Variants in C14orf39 observed in about 807,000 individuals in gnomAD.
C14orf39 encodes the protein chromosome 14 open reading frame 39.
Under a neutral mutation model 85.6 loss-of-function variants are expected in C14orf39, and 66 were observed. The ratio of observed to expected loss-of-function variants is 0.77; its 90% CI spans 0.63 to 0.95. The LOEUF (loss-of-function observed/expected upper bound fraction) is 0.95, where lower values mean the gene tolerates loss of function less well. Among genes scored for constraint, C14orf39 ranks in the 40% least tolerant of loss-of-function variants. The pLI, the probability that C14orf39 is intolerant of heterozygous loss-of-function variation, is 0.00. For synonymous variants in C14orf39, 242 were observed against 214.0 expected (o/e 1.13, Z -1.14); for missense variants, 735 against 663.9 (o/e 1.11, Z -1.18).
intron 1 of C14orf39, among the ~76,000 whole-genome samples, chr14:60,505,965 T>C (rs527557789): frequency 2.0e-5 from 3 of 152,316 alleles, no homozygotes; most frequent in African/African-American, 7.2e-5. Flanking sequence ...ATTTCCGGCA[T>C]GAGCCTCAGA....
At position 60,461,571 on chromosome 14, in the gene C14orf39, T is replaced by C; in HGVS notation, c.995A>G (p.Asp332Gly). The part of the protein sequence containing the change: ...DTQIFNDSAV[D>G]NHSKCSHITT... ...AATATGTGAACATTTTGAATGGTTA[T>C]CCACAGCAGAGTCATTAAATATCTG... Residue 332 changes from aspartate (D) to glycine (G), a missense_variant, in exon 12 of 18, where the codon GAT (aspartate) becomes GGT (glycine). Coordinates refer to ENST00000321731, the MANE Select transcript of C14orf39 (RefSeq NM_174978.3). The C allele has an allele frequency of 6.3e-7, 1 of 1,575,996 alleles. No individual in the cohort carries two copies. The highest frequency in any genetic ancestry group is 8.6e-7 in the Non-Finnish European group (1 of 1,165,162).
rs536183475 is a variant in C14orf39, at chr14:60,439,899, C to T, written c.1561+2175G>A. Reference sequence around the variant, plus strand: ...GACCAGCCTGGCCAACATAGTGAGACCCCGTCTCTACTAAAAATACAAAAA... The same window carrying T: ...GACCAGCCTGGCCAACATAGTGAGATCCCGTCTCTACTAAAAATACAAAAA... On this transcript the variant is annotated intron_variant, in intron 17 of 17. Coordinates refer to ENST00000321731, the MANE Select transcript of C14orf39 (RefSeq NM_174978.3). Among the ~76,000 whole-genome samples, 9 of 152,210 alleles carry T rather than the reference C, an allele frequency of 5.9e-5. No individual in the cohort carries two copies. In the East Asian group the frequency reaches 1.4e-3, roughly 23 times the overall value.
chr14:60,483,613 A>G, intron 4 of C14orf39, 78 bp downstream of exon 4: 1 of 1,266,006 alleles, frequency 7.9e-7, no homozygotes. Context: ...TACTACTTTG[A>G]AGGAAGTATC....
At chr14:60,474,884 A>C (rs1892293877) in intron 5 of C14orf39, among the ~76,000 whole-genome samples, 3 of 152,302 alleles carry the variant, frequency 2.0e-5, no homozygotes, top group Non-Finnish European at 2.9e-5. Context: ...TGTCTTCACC[A>C]GGCTTTGGTA....
chr14:60,451,482 T>A lies in C14orf39; in HGVS notation c.1503+3519A>T, dbSNP rs187396343. Among the ~76,000 whole-genome samples, 306 of 152,174 alleles carry A rather than the reference T, an allele frequency of 2.0e-3. 1 individual carries two copies. The highest frequency in any genetic ancestry group is 7.0e-3 in the African/African-American group (291 of 41,534). On this transcript the variant is annotated intron_variant, in intron 16 of 17. Coordinates refer to ENST00000321731, the MANE Select transcript of C14orf39 (RefSeq NM_174978.3). ...GACTGAATTAAGAAAATGTGGCACA[T>A]ATACATCATGGAATACTATGCAGCC...
chr14:60,480,116 G>A (rs893963084), intron 4 of C14orf39, among the ~76,000 whole-genome samples: 2 of 152,076 alleles, frequency 1.3e-5, no homozygotes, highest in South Asian at 2.1e-4. Flanking sequence ...CTGTTAGAAT[G>A]GCTGTTATCA....
chr14:60,461,615 T>C (rs999945050), intron 11 of C14orf39, 22 bp from the exon 12 acceptor site: 1 of 1,483,032 alleles, frequency 6.7e-7, no homozygotes, highest in Non-Finnish European at 9.1e-7. Flanking sequence ...AAATTAAGCA[T>C]CTGACTTGGC....
rs7145973 is a variant in C14orf39, at chr14:60,505,159, A to G, written c.-143-5729T>C. The stretch of plus-strand genomic sequence containing the variant: ...GCTCAAATGGTGTTTGTTCTCAGAA[A>G]TATACAATTAAAGAGCCTTCTCTGT... On this transcript the variant is annotated intron_variant, in intron 1 of 5. Coordinates refer to the C14orf39 transcript ENST00000556799. 4.0e-3 allele frequency among the ~76,000 whole-genome samples: 607 copies of G among 152,366 alleles called. 4 individuals carry two copies. Among genetic ancestry groups the G allele is most frequent in the African/African-American group, 0.014 (582 of 41,584 alleles).
chr14:60,461,615 T>A, intron 11 of C14orf39, 22 bp from the exon 12 acceptor site: 2 of 1,483,032 alleles, frequency 1.3e-6, no homozygotes, highest in South Asian at 1.4e-5. Flanking sequence ...AAATTAAGCA[T>A]CTGACTTGGC....
intron 16 of C14orf39, among the ~76,000 whole-genome samples, chr14:60,446,267 C>T (rs976169729): frequency 3.3e-5 from 5 of 150,958 alleles, no homozygotes; most frequent in African/African-American, 1.2e-4. Context: ...ATCAATGAAT[C>T]CAGCATTGGA....
chr14:60,513,616 G>C (rs906778582), intron 1 of C14orf39, among the ~76,000 whole-genome samples: 11 of 152,096 alleles, frequency 7.2e-5, no homozygotes, highest in Non-Finnish European at 1.2e-4. Flanking sequence ...TTTCTCTTAA[G>C]TTTATGCTTC....
At chr14:60,505,592 T>C (rs1185280628) in intron 1 of C14orf39, among the ~76,000 whole-genome samples, 1 of 152,150 alleles carries the variant, frequency 6.6e-6, no homozygotes, top group Non-Finnish European at 1.5e-5. Context: ...CACAAAAGAC[T>C]GGGGACCTCA....
At chr14:60,472,925 T>A (rs1892172284) in intron 5 of C14orf39, among the ~76,000 whole-genome samples, 1 of 152,180 alleles carries the variant, frequency 6.6e-6, no homozygotes, top group Non-Finnish European at 1.5e-5. Context: ...TACCCAGTAA[T>A]GGGATGGCTG....
At chr14:60,503,009 T>C (rs1277248105) in intron 1 of C14orf39, among the ~76,000 whole-genome samples, 2 of 152,368 alleles carry the variant, frequency 1.3e-5, no homozygotes, top group South Asian at 4.1e-4. Context: ...TTGTTAATTA[T>C]AGAAATGCTT....
intron 10 of C14orf39, 67 bp from the exon 11 acceptor site, chr14:60,466,122 T>A: frequency 1.5e-6 from 1 of 653,774 alleles, no homozygotes; most frequent in Non-Finnish European, 2.4e-6. Context: ...TCCCCAATGT[T>A]TAACCTAAAC....
At chr14:60,511,104 C>T in intron 1 of C14orf39, 1 of 1,612,898 alleles carries the variant, frequency 6.2e-7, no homozygotes, top group Non-Finnish European at 8.5e-7. Flanking sequence ...CAGGTCCTGT[C>T]ACAGGGTTCC....
At chr14:60,513,705 C>A (rs1168245754) in intron 1 of C14orf39, among the ~76,000 whole-genome samples, 1 of 152,090 alleles carries the variant, frequency 6.6e-6, no homozygotes, top group Non-Finnish European at 1.5e-5. Context: ...CCCACTCCAC[C>A]CACCCCTTCA....
At chr14:60,510,094 T>A (rs1001863872) in intron 1 of C14orf39, 5 of 885,206 alleles carry the variant, frequency 5.6e-6, no homozygotes, top group Non-Finnish European at 9.1e-6. Context: ...GCGGTCTGTC[T>A]TGGGTTAAGA....
At chr14:60,463,946 T>C (rs976103186) in intron 11 of C14orf39, among the ~76,000 whole-genome samples, 1 of 152,084 alleles carries the variant, frequency 6.6e-6, no homozygotes, top group African/African-American at 2.4e-5. Flanking sequence ...GCCTATCCTA[T>C]CCAAAATCTA....
Sources: gnomAD v4.1 joint callset for allele counts (sites outside exome capture counted in the v4.1 genomes callset) on GRCh38, gnomAD v4.1.1 for gene constraint, MANE v1.5 for transcripts, NCBI Gene and HGNC (gene_info 2026-07-23, HGNC 2026-07-21) for gene names.